KCNH5: variants seen among roughly 807,000 people sequenced by gnomAD.
KCNH5 encodes the protein potassium voltage-gated channel subfamily H member 5, also known as voltage-gated delayed rectifier potassium channel KCNH5.
In KCNH5, 46 loss-of-function variants were observed where a neutral mutation model predicts 96.1. That is an observed-to-expected ratio of 0.48 (90% CI 0.38 to 0.61). KCNH5 has a LOEUF of 0.61. Ranked by LOEUF, KCNH5 falls within the 20% of genes least tolerant of loss-of-function variation. The pLI is 0.00. For synonymous variants in KCNH5, 439 were observed against 449.8 expected, an observed-to-expected ratio of 0.98 and a Z score of 0.30; for missense variants, 907 against 1,225.8, an observed-to-expected ratio of 0.74 and a Z score of 3.88.
intron 4 of KCNH5, among the ~76,000 whole-genome samples, chr14:62,987,984 C>T (rs1452417501): frequency 6.6e-6 from 1 of 152,088 alleles, no homozygotes; most frequent in East Asian, 1.9e-4. Flanking sequence ...TTATTAACAA[C>T]TGCAGTGATA....
At chr14:62,938,472 C>T (rs1889727586) in intron 7 of KCNH5, among the ~76,000 whole-genome samples, 1 of 152,190 alleles carries the variant, frequency 6.6e-6, no homozygotes, top group Non-Finnish European at 1.5e-5. Context: ...CCCTCTCTGG[C>T]CATATCAAAG....
Position 62,707,963 on chromosome 14 carries a change from C to T in KCNH5, c.2512G>A (p.Gly838Arg). Residue 838 changes from glycine to arginine, a missense_variant, in exon 11 of 11, where the codon GGG becomes AGG. Physicochemically the swap from Gly to Arg is moderately radical, Grantham distance 125. Around this residue, in one of 6 missense-constraint regions of KCNH5, gnomAD observed 362 missense variants for 394.4 expected, o/e 0.92. Coordinates refer to ENST00000322893, the MANE Select transcript of KCNH5 (RefSeq NM_139318.5). ...WNNVTKAESMGLLSEDPKSSD... is the reference protein window; with the variant it reads ...WNNVTKAESMRLLSEDPKSSD... ...CTCTTGGGGTCCTCAGACAATAGCC[C>T]CATTGACTCAGCTTTAGTGACATTA... The T allele has an allele frequency of 6.2e-7, 1 of 1,614,178 alleles. No individual in the cohort carries two copies. Among genetic ancestry groups the T allele is most frequent in the Non-Finnish European group, 8.5e-7 (1 of 1,180,026 alleles).
At chr14:62,859,281 A>T (rs543771922) in intron 7 of KCNH5, among the ~76,000 whole-genome samples, 4 of 152,318 alleles carry the variant, frequency 2.6e-5, no homozygotes, top group South Asian at 4.1e-4. Context: ...GACGCTCAGC[A>T]GTGGCCATAG....
chr14:62,953,497 G>A (rs1225021315), intron 6 of KCNH5, among the ~76,000 whole-genome samples: 1 of 152,048 alleles, frequency 6.6e-6, no homozygotes, highest in African/African-American at 2.4e-5. Flanking sequence ...GTTTCCTCTT[G>A]GATGTCCCAC....
At chr14:63,042,908 G>A (rs545893733) in intron 1 of KCNH5, among the ~76,000 whole-genome samples, 13 of 152,230 alleles carry the variant, frequency 8.5e-5, no homozygotes, top group African/African-American at 2.9e-4. Flanking sequence ...AAACAGTTCA[G>A]GGTCTTTGAG....
chr14:62,808,871 G>T (rs1886820758), intron 8 of KCNH5, among the ~76,000 whole-genome samples: 1 of 152,010 alleles, frequency 6.6e-6, no homozygotes, highest in Admixed American at 6.6e-5. Context: ...ATCCTCTTTA[G>T]AAGGTGGTTT....
At chr14:62,750,659 C>T (rs1245388007) in intron 10 of KCNH5, among the ~76,000 whole-genome samples, 1 of 152,182 alleles carries the variant, frequency 6.6e-6, no homozygotes, top group Non-Finnish European at 1.5e-5. Flanking sequence ...TGATGTTTTA[C>T]AGGAGAACCC....
chr14:63,030,004 C>A (rs973081707), intron 1 of KCNH5, among the ~76,000 whole-genome samples: 1 of 152,078 alleles, frequency 6.6e-6, no homozygotes, highest in Non-Finnish European at 1.5e-5. Context: ...AGTTACAAAT[C>A]TAGAAAGTAA....
At chr14:62,774,395 A>C (rs977846315) in intron 10 of KCNH5, among the ~76,000 whole-genome samples, 2 of 152,256 alleles carry the variant, frequency 1.3e-5, no homozygotes. Flanking sequence ...TCAAGTTCAC[A>C]AGAGCCAGCT....
At chr14:62,979,866 C>T (rs1890572966) in intron 6 of KCNH5, among the ~76,000 whole-genome samples, 1 of 152,124 alleles carries the variant, frequency 6.6e-6, no homozygotes. Flanking sequence ...AGAAGCAGAG[C>T]CTTACATGAG....
chr14:62,779,729 C>T lies in KCNH5; in HGVS notation c.2018G>A (p.Arg673Gln), dbSNP rs764827405. ...NLTLTCNLRKRIIFRKISDVK... is the reference protein window; with the variant it reads ...NLTLTCNLRKQIIFRKISDVK... ...AAAAAGCAGACCCAGAGAACATACC[C>T]GTTTCCTCAGATTGCAAGTAAGAGT... is the stretch of plus-strand genomic sequence containing the variant. The change falls in exon 10 of 11, where the codon CGG becomes CAG. Residue 673 changes from arginine (R) to glutamine (Q), a missense_variant and splice_region_variant. Arg to Gln is a conservative substitution (Grantham distance 43). This residue lies in a region of KCNH5 where 362 missense variants were observed against 394.4 expected (regional missense o/e 0.92). Transcript: ENST00000322893. The T allele has an allele frequency of 5.0e-6, 8 of 1,611,528 alleles. No homozygotes were observed. In the Admixed American group the frequency reaches 6.7e-5, roughly 13 times the overall value.
In KCNH5 at chr14:62,704,685, T is replaced by C. The variant is rs1051766365; in HGVS notation, c.*2823A>G. The C allele has an allele frequency of 6.6e-6, 1 of 151,822 alleles. No individual in the cohort carries two copies. The highest frequency in any genetic ancestry group is 1.5e-5 in the Non-Finnish European group (1 of 67,826). 9.4% of individuals were successfully genotyped at this position (151,822 alleles called of 1,614,324 possible). On this transcript the variant is annotated 3_prime_UTR_variant, in exon 11 of 11. Transcript: ENST00000322893. ...TATCCATTTACTCCTATTAATATAT[T>C]ATTTAGAAATATAATATTAAAATTT...
chr14:62,778,085 G>T (rs11851665), intron 10 of KCNH5, among the ~76,000 whole-genome samples: 39,239 of 152,042 alleles, frequency 0.26, 5,712 homozygotes, highest in South Asian at 0.54. Context: ...ATGTACGGAT[G>T]TTGGATAGGA....
Position 62,984,876 on chromosome 14 carries a change from G to C in KCNH5, c.549+2196C>G, listed in dbSNP as rs186898512. 5.4e-3 allele frequency among the ~76,000 whole-genome samples: 817 copies of C among 152,286 alleles called. 8 individuals are homozygous for C. Among genetic ancestry groups the C allele is most frequent in the Non-Finnish European group, 6.7e-3 (455 of 68,016 alleles). ...TGATACAGTGAAAAAACAATTCTGA[G>C]TGATTCTGGGTGCTAAGGGAGAAGA... On this transcript the variant is annotated intron_variant, in intron 5 of 10. Coordinates refer to ENST00000322893, the MANE Select transcript of KCNH5 (RefSeq NM_139318.5).
At chr14:62,861,228 C>T (rs916305429) in intron 7 of KCNH5, among the ~76,000 whole-genome samples, 2 of 152,006 alleles carry the variant, frequency 1.3e-5, no homozygotes, top group Admixed American at 6.6e-5. Flanking sequence ...CTTATTTTGC[C>T]GCTGAAATTT....
chr14:62,922,423 A>T (rs75579404), intron 7 of KCNH5, among the ~76,000 whole-genome samples: 3,189 of 152,192 alleles, frequency 0.021, 59 homozygotes, highest in East Asian at 0.081. Flanking sequence ...TAGTTAAATT[A>T]ACACCTATAA....
chr14:62,854,233 G>T (rs1391002321), intron 7 of KCNH5, among the ~76,000 whole-genome samples: 1 of 152,040 alleles, frequency 6.6e-6, no homozygotes, highest in African/African-American at 2.4e-5. Context: ...GAGGGCAGGT[G>T]TGGGCCTGGT....
chr14:62,995,872 G>T (rs1360164278), intron 4 of KCNH5, among the ~76,000 whole-genome samples: 1 of 151,950 alleles, frequency 6.6e-6, no homozygotes, highest in Non-Finnish European at 1.5e-5. Flanking sequence ...TTAGAATCAT[G>T]CCTGTACCAT....
At chr14:62,910,145 T>TACACACACACACACACAC (rs111386925) in intron 7 of KCNH5, among the ~76,000 whole-genome samples, 1 of 143,948 alleles carries the variant, frequency 6.9e-6, no homozygotes, top group East Asian at 2.0e-4. Flanking sequence ...ACTAACATGT[T>TACACACACACACACACAC]ACACACACAC....
Sources: allele counts gnomAD v4.1 joint callset (sites outside exome capture counted in the v4.1 genomes callset), GRCh38; gene constraint gnomAD v4.1.1; regional missense constraint gnomAD v4.1.1; transcripts MANE v1.5; gene names NCBI Gene and HGNC (gene_info 2026-07-23, HGNC 2026-07-21).